The following KCNIP3 variants were observed in gnomAD, a reference collection of about 807,000 sequenced individuals.
The protein encoded by KCNIP3 is calsenilin.
Under a neutral mutation model 35.0 loss-of-function variants are expected in KCNIP3, and 28 were observed. That is an observed-to-expected ratio of 0.80 (90% CI 0.59 to 1.10). The LOEUF (loss-of-function observed/expected upper bound fraction) is 1.10, where lower values mean the gene tolerates loss of function less well. KCNIP3 is among the 50% of genes least tolerant of loss of function. The pLI, the probability that KCNIP3 is intolerant of heterozygous loss-of-function variation, is 0.00. For missense variants in KCNIP3, 295 were observed against 338.4 expected (o/e 0.87, Z 1.01); for synonymous variants, 134 against 133.8 (o/e 1.00, Z -0.01).
intron 4 of KCNIP3, 42 bp downstream of exon 4, chr2:95,374,959 A>C: frequency 6.2e-7 from 1 of 1,601,680 alleles, no homozygotes; most frequent in Non-Finnish European, 8.6e-7. Flanking sequence ...CCCAGTGTGG[A>C]GGGAGGGGAC....
chr2:95,370,130 CTCTT>C (rs1173300418), intron 2 of KCNIP3, among the ~76,000 whole-genome samples: 9 of 152,158 alleles, frequency 5.9e-5, no homozygotes, highest in African/African-American at 2.2e-4. Flanking sequence ...TATCCTTCAT[CTCTT>C]TATTATGGTC....
intron 2 of KCNIP3, among the ~76,000 whole-genome samples, chr2:95,315,361 A>G (rs1488764966): frequency 6.6e-6 from 1 of 152,180 alleles, no homozygotes; most frequent in Non-Finnish European, 1.5e-5. Context: ...CAGAGGAGCC[A>G]GGAACAGAGG....
chr2:95,340,718 A>G (rs921567858), intron 2 of KCNIP3, among the ~76,000 whole-genome samples: 7 of 152,186 alleles, frequency 4.6e-5, no homozygotes, highest in Non-Finnish European at 8.8e-5. Context: ...TCATGTCAGA[A>G]TGTGATATCT....
chr2:95,324,726 T>C lies in KCNIP3; in HGVS notation c.181+14206T>C, dbSNP rs572220884. ...AGGAGTTCGAGACCAGCCTGGCCAA[T>C]ATGGTGAAACCCCGTCTCTACTAAA... On this transcript the variant is annotated intron_variant, in intron 2 of 8. Coordinates refer to ENST00000295225, the MANE Select transcript of KCNIP3 (RefSeq NM_013434.5). 2.2e-4 allele frequency among the ~76,000 whole-genome samples: 33 copies of C among 150,702 alleles called. No individual in the cohort carries two copies. In the South Asian group the frequency reaches 2.5e-3, roughly 12 times the overall value.
intron 2 of KCNIP3, chr2:95,355,232 A>G (rs1679627868): frequency 6.6e-6 from 1 of 152,192 alleles, no homozygotes; most frequent in African/African-American, 2.4e-5. Flanking sequence ...CCCTGGTCCA[A>G]GTCCACAGTG....
chr2:95,297,539 G>A (rs1677898005), intron 1 of KCNIP3, 86 bp downstream of exon 1: 4 of 1,120,910 alleles, frequency 3.6e-6, no homozygotes, highest in Admixed American at 5.0e-5. Flanking sequence ...GGACCAGGAA[G>A]CCTTTTTCTT....
At chr2:95,300,019 G>A (rs1483963880) in intron 1 of KCNIP3, among the ~76,000 whole-genome samples, 11 of 152,252 alleles carry the variant, frequency 7.2e-5, no homozygotes. Context: ...CAAGAGTTGT[G>A]GCTGAGATTT....
At chr2:95,310,745 C>T (rs950063077) in intron 2 of KCNIP3, 22 of 568,400 alleles carry the variant, frequency 3.9e-5, no homozygotes, top group Non-Finnish European at 6.3e-5. Flanking sequence ...AGCATGGGTA[C>T]AGAGAGCTGG....
chr2:95,367,084 C>A (rs765201711), intron 2 of KCNIP3, among the ~76,000 whole-genome samples: 17 of 152,036 alleles, frequency 1.1e-4, no homozygotes, highest in Non-Finnish European at 2.5e-4. Context: ...ACCAGCCTCG[C>A]CAACATGGTG....
At chr2:95,337,152 C>G (rs1389904117) in intron 2 of KCNIP3, among the ~76,000 whole-genome samples, 1 of 152,144 alleles carries the variant, frequency 6.6e-6, no homozygotes, top group African/African-American at 2.4e-5. Flanking sequence ...TCCAGTGTGA[C>G]CGCCAGTGCT....
At chr2:95,301,323 G>T (rs1335555560) in intron 1 of KCNIP3, among the ~76,000 whole-genome samples, 2 of 152,312 alleles carry the variant, frequency 1.3e-5, no homozygotes, top group East Asian at 1.9e-4. Context: ...CATGGGTCTT[G>T]CGCAGAGCCC....
intron 2 of KCNIP3, among the ~76,000 whole-genome samples, chr2:95,373,605 T>G (rs1038573617): frequency 6.6e-6 from 1 of 151,950 alleles, no homozygotes; most frequent in African/African-American, 2.4e-5. Flanking sequence ...TGTATTTTTA[T>G]TAGAGACGGG....
chr2:95,330,348 C>T (rs558404298), intron 2 of KCNIP3, among the ~76,000 whole-genome samples: 6 of 152,330 alleles, frequency 3.9e-5, no homozygotes, highest in Admixed American at 6.5e-5. Context: ...ACCAGGTCTC[C>T]TGGCTGGGGC....
At chr2:95,350,735 C>T (rs975246558) in intron 2 of KCNIP3, among the ~76,000 whole-genome samples, 4 of 152,150 alleles carry the variant, frequency 2.6e-5, no homozygotes, top group African/African-American at 7.2e-5. Context: ...GCTCTTTACC[C>T]AGCTGTACAT....
intron 2 of KCNIP3, among the ~76,000 whole-genome samples, chr2:95,344,117 C>CA (rs950944312): frequency 1.3e-5 from 2 of 152,158 alleles, no homozygotes; most frequent in Admixed American, 6.5e-5. Context: ...GGTTTTTTTG[C>CA]ATGTCCCTCA....
rs374082742 is a variant in KCNIP3, at chr2:95,334,427, C to T, written c.181+23907C>T. The stretch of plus-strand genomic sequence containing the variant: ...AAGGAAACTGAGGCTCAAGGAGGTG[C>T]GAAGCCAGGCAGCTGAGGTCACACA... On this transcript the variant is annotated intron_variant, in intron 2 of 8. Transcript: ENST00000295225. Among the ~76,000 whole-genome samples, 32 of 152,294 alleles carry T rather than the reference C, an allele frequency of 2.1e-4. No homozygotes were observed. The East Asian group carries it at 4.8e-3, about 23-fold the overall frequency.
At chr2:95,309,863 C>A (rs1558758735) in intron 1 of KCNIP3, among the ~76,000 whole-genome samples, 1 of 152,248 alleles carries the variant, frequency 6.6e-6, no homozygotes, top group African/African-American at 2.4e-5. Context: ...CACCACCCAG[C>A]CTTTCATTCA....
In KCNIP3 at chr2:95,381,593, T is replaced by C. The variant is rs757814663; in HGVS notation, c.448-3T>C. ...CACGCCCCACACTCTCCTTTCCCCA[T>C]AGGACTTTGTGGTTGGCCTCTCCAT... On this transcript the variant is annotated splice_polypyrimidine_tract_variant and splice_region_variant and intron_variant, in intron 5 of 8. Transcript: ENST00000295225. The C allele has an allele frequency of 1.2e-6, 2 of 1,609,846 alleles. No homozygotes were observed. The highest frequency in any genetic ancestry group is 1.7e-6 in the Non-Finnish European group (2 of 1,176,120).
At chr2:95,313,300 C>G (rs946542123) in intron 2 of KCNIP3, 3 of 152,254 alleles carry the variant, frequency 2.0e-5, no homozygotes, top group African/African-American at 7.2e-5. Flanking sequence ...GACCCAGGGT[C>G]CTGGAGACAG....
Sources: allele counts gnomAD v4.1 joint callset (sites outside exome capture counted in the v4.1 genomes callset), GRCh38; gene constraint gnomAD v4.1.1; transcripts MANE v1.5; gene names NCBI Gene and HGNC (gene_info 2026-07-23, HGNC 2026-07-21).